PCDH9: variants seen among roughly 807,000 people sequenced by gnomAD.
The protein encoded by PCDH9 is protocadherin 9.
A neutral mutation model predicts 70.6 loss-of-function variants in PCDH9; 24 were observed. The ratio of observed to expected loss-of-function variants is 0.34; its 90% CI spans 0.25 to 0.48. The LOEUF is 0.48. Among genes scored for constraint, PCDH9 ranks in the 20% least tolerant of loss-of-function variants. The pLI is 0.99. For synonymous variants in PCDH9, 562 were observed against 558.5 expected, an observed-to-expected ratio of 1.01 and a Z score of -0.09; for missense variants, 1,281 against 1,503.6, an observed-to-expected ratio of 0.85 and a Z score of 2.45.
intron 4 of PCDH9, among the ~76,000 whole-genome samples, chr13:66,538,693 T>C (rs997285930): frequency 1.3e-5 from 2 of 152,126 alleles, no homozygotes; most frequent in Non-Finnish European, 2.9e-5. Context: ...GAGAGTGATC[T>C]GCATTACCTA....
intron 3 of PCDH9, among the ~76,000 whole-genome samples, chr13:66,882,968 C>A (rs908318496): frequency 6.6e-6 from 1 of 152,198 alleles, no homozygotes; most frequent in Non-Finnish European, 1.5e-5. Flanking sequence ...TAGAGAATGA[C>A]TTTCAAAGTC....
At chr13:66,411,625 TAGAC>T (rs1347575676) in intron 4 of PCDH9, among the ~76,000 whole-genome samples, 2 of 150,844 alleles carry the variant, frequency 1.3e-5, no homozygotes, top group African/African-American at 2.5e-5. Flanking sequence ...TCACTGAAGA[TAGAC>T]AGATATATAG....
chr13:66,426,949 T>C (rs1216165013), intron 4 of PCDH9, among the ~76,000 whole-genome samples: 9 of 151,610 alleles, frequency 5.9e-5, no homozygotes, highest in East Asian at 5.8e-4. Context: ...TAAATTCTGA[T>C]TTTAAATATT....
rs1955436164 is a variant in PCDH9 at position 66,304,902 on chromosome 13, G to T, written c.3467C>A (p.Ser1156Tyr). Residue 1156 changes from serine (S) to tyrosine (Y), a missense_variant, in exon 5 of 5, where the codon TCT (serine) becomes TAT (tyrosine). By Grantham distance (144) the Ser-to-Tyr change is moderately radical (BLOSUM62 -2). Transcript: ENST00000377865. ...CTGGGGTGCAAAGGTTGAGAGAGGAGATTTGGGGTGTTGATATGGACCCAA... is the reference window on the plus strand; with the variant it reads ...CTGGGGTGCAAAGGTTGAGAGAGGATATTTGGGGTGTTGATATGGACCCAA... ...PGLGPYQHPK[S>Y]PLSTFAPQKE... 1 of 1,613,446 alleles carries T rather than the reference G, an allele frequency of 6.2e-7. No homozygotes were observed. Among genetic ancestry groups the T allele is most frequent in the South Asian group, 1.1e-5 (1 of 91,074 alleles).
At chr13:67,118,689 A>G (rs1347954729) in intron 2 of PCDH9, among the ~76,000 whole-genome samples, 2 of 152,136 alleles carry the variant, frequency 1.3e-5, no homozygotes, top group Non-Finnish European at 2.9e-5. Context: ...GCAAAGCAAG[A>G]AGCCAGAGAG....
intron 3 of PCDH9, among the ~76,000 whole-genome samples, chr13:66,791,620 A>C (rs1258555461): frequency 6.6e-6 from 1 of 152,174 alleles, no homozygotes; most frequent in Non-Finnish European, 1.5e-5. Context: ...ATAATAATGT[A>C]TTACATACAT....
At chr13:66,864,302 C>A (rs1451746021) in intron 3 of PCDH9, among the ~76,000 whole-genome samples, 1 of 152,096 alleles carries the variant, frequency 6.6e-6, no homozygotes, top group Non-Finnish European at 1.5e-5. Flanking sequence ...TTCTGAGGTT[C>A]TTCTGTCATT....
intron 2 of PCDH9, among the ~76,000 whole-genome samples, chr13:67,027,362 CA>C (rs1415900770): frequency 2.0e-5 from 3 of 152,130 alleles, no homozygotes; most frequent in African/African-American, 7.2e-5. Context: ...ACTGGCTAGC[CA>C]TATGTAGAAA....
intron 4 of PCDH9, among the ~76,000 whole-genome samples, chr13:66,558,922 C>T (rs534625148): frequency 9.9e-5 from 15 of 152,202 alleles, no homozygotes; most frequent in African/African-American, 2.4e-4. Context: ...TGGAAGAATT[C>T]GTCAATGAAG....
intron 3 of PCDH9, among the ~76,000 whole-genome samples, chr13:66,889,284 T>C (rs1314885171): frequency 6.6e-6 from 1 of 152,242 alleles, no homozygotes; most frequent in Non-Finnish European, 1.5e-5. Flanking sequence ...TATTGGGTCT[T>C]ATTTAAACTA....
At chr13:66,517,247 C>T (rs1335506771) in intron 4 of PCDH9, among the ~76,000 whole-genome samples, 1 of 151,924 alleles carries the variant, frequency 6.6e-6, no homozygotes, top group Non-Finnish European at 1.5e-5. Flanking sequence ...TGTCATTGTT[C>T]CAGGGACATA....
At chr13:66,645,396 A>G (rs73198509) in intron 3 of PCDH9, among the ~76,000 whole-genome samples, 1,670 of 152,232 alleles carry the variant, frequency 0.011, 17 homozygotes, top group Non-Finnish European at 0.018. Flanking sequence ...AGATATAAAT[A>G]TATTTTAGCA....
intron 2 of PCDH9, among the ~76,000 whole-genome samples, chr13:67,129,320 C>G (rs1301851997): frequency 6.6e-6 from 1 of 151,966 alleles, no homozygotes; most frequent in Non-Finnish European, 1.5e-5. Flanking sequence ...GGTAATTATG[C>G]CTATGGTTTA....
chr13:66,327,327 G>A (rs1293540285), intron 4 of PCDH9, among the ~76,000 whole-genome samples: 1 of 152,176 alleles, frequency 6.6e-6, no homozygotes. Context: ...TTGGTGGAAA[G>A]AAGGGTAACA....
chr13:66,347,450 A>T (rs1956229210), intron 4 of PCDH9, among the ~76,000 whole-genome samples: 1 of 152,198 alleles, frequency 6.6e-6, no homozygotes, highest in Non-Finnish European at 1.5e-5. Context: ...ATTAGGAAGA[A>T]ATGATTCTAT....
chr13:66,538,397 C>A (rs756520134), intron 4 of PCDH9, among the ~76,000 whole-genome samples: 1 of 152,146 alleles, frequency 6.6e-6, no homozygotes, highest in African/African-American at 2.4e-5. Flanking sequence ...GTGCCTTTTA[C>A]TGAATTACAT....
intron 4 of PCDH9, among the ~76,000 whole-genome samples, chr13:66,565,691 CAT>C (rs1461660003): frequency 6.6e-6 from 1 of 152,160 alleles, no homozygotes; most frequent in Non-Finnish European, 1.5e-5. Context: ...AAAGAACACA[CAT>C]GTCTGGATAA....
intron 4 of PCDH9, among the ~76,000 whole-genome samples, chr13:66,483,495 A>G (rs1958879562): frequency 6.6e-6 from 1 of 152,232 alleles, no homozygotes; most frequent in South Asian, 2.1e-4. Context: ...AGTGAGTGTG[A>G]AACATGGGGA....
intron 2 of PCDH9, among the ~76,000 whole-genome samples, chr13:67,120,184 A>G (rs1434343779): frequency 5.1e-5 from 1 of 19,480 alleles, no homozygotes; most frequent in East Asian, 1.6e-3. Flanking sequence ...ATGCTCATGC[A>G]TTAAATAATA....
Sources: allele counts gnomAD v4.1 joint callset (sites outside exome capture counted in the v4.1 genomes callset), GRCh38; gene constraint gnomAD v4.1.1; transcripts MANE v1.5; gene names NCBI Gene and HGNC (gene_info 2026-07-23, HGNC 2026-07-21).